Variants in PLAAT3 observed in about 807,000 individuals in gnomAD.
PLAAT3 encodes the protein phospholipase A and acyltransferase 3.
In PLAAT3, 21 loss-of-function variants were observed where a neutral mutation model predicts 16.7. The observed-to-expected ratio is 1.26, with a 90% CI of 0.89 to 1.81. The LOEUF is 1.81. Ranked by LOEUF, PLAAT3 falls within the 40% of genes most tolerant of loss-of-function variation. The pLI, the probability that PLAAT3 is intolerant of heterozygous loss-of-function variation, is 0.00. For synonymous variants in PLAAT3, 76 were observed against 81.7 expected (o/e 0.93, Z 0.38); for missense variants, 219 against 213.7 (o/e 1.02, Z -0.16).
chr11:63,597,986 G>T, intron 3 of PLAAT3, 75 bp downstream of exon 3: 1 of 969,610 alleles, frequency 1.0e-6, no homozygotes, highest in Non-Finnish European at 1.7e-6. Flanking sequence ...GGGGTCACCT[G>T]TTACCCACAG....
At chr11:63,590,816 G>A (rs1203305140) in intron 3 of PLAAT3, among the ~76,000 whole-genome samples, 2 of 152,174 alleles carry the variant, frequency 1.3e-5, no homozygotes, top group Non-Finnish European at 2.9e-5. Context: ...TCTGGAAACA[G>A]ACCCACCAAA....
At chr11:63,597,291 G>A (rs1240074235) in intron 3 of PLAAT3, among the ~76,000 whole-genome samples, 1 of 152,160 alleles carries the variant, frequency 6.6e-6, no homozygotes, top group Non-Finnish European at 1.5e-5. Context: ...TTGGGAGGCT[G>A]AGGCAGGTGG....
intron 2 of PLAAT3, among the ~76,000 whole-genome samples, chr11:63,610,498 G>A (rs1938666390): frequency 6.6e-6 from 1 of 152,202 alleles, no homozygotes; most frequent in African/African-American, 2.4e-5. Flanking sequence ...TATGGTGGAG[G>A]GATGCACGGC....
upstream of PLAAT3, among the ~76,000 whole-genome samples, chr11:63,615,044 ATATATATGTG>A (rs1938802136): frequency 4.9e-5 from 1 of 20,544 alleles, no homozygotes; most frequent in African/African-American, 6.8e-5. Flanking sequence ...ATATATATGT[ATATATATGTG>A]TATATATATG....
At chr11:63,615,915 G>T (rs1245005098), upstream of PLAAT3, among the ~76,000 whole-genome samples, 1 of 152,116 alleles carries the variant, frequency 6.6e-6, no homozygotes, top group Non-Finnish European at 1.5e-5. Flanking sequence ...TGACCCACCT[G>T]CCTCAGCCTC....
At chr11:63,608,065 C>T (rs2134431512) in intron 2 of PLAAT3, among the ~76,000 whole-genome samples, 1 of 152,208 alleles carries the variant, frequency 6.6e-6, no homozygotes. Flanking sequence ...GCCTGTAGTC[C>T]CAGCTACTCG....
At chr11:63,600,575 G>GTTTGT (rs1938398925) in intron 2 of PLAAT3, among the ~76,000 whole-genome samples, 2 of 132,468 alleles carry the variant, frequency 1.5e-5, no homozygotes, top group African/African-American at 6.5e-5. Flanking sequence ...CATCTTCATG[G>GTTTGT]TTTTTTTGTT....
chr11:63,582,786 T>C (rs1441076344), intron 4 of PLAAT3, among the ~76,000 whole-genome samples: 1 of 152,186 alleles, frequency 6.6e-6, no homozygotes, highest in Non-Finnish European at 1.5e-5. Context: ...GATACGTATA[T>C]ATTTTTAACC....
chr11:63,603,703 T>TACAC (rs67821162), intron 2 of PLAAT3, among the ~76,000 whole-genome samples: 2 of 117,020 alleles, frequency 1.7e-5, no homozygotes, highest in African/African-American at 3.7e-5. Context: ...TAAATTATCC[T>TACAC]ACACACACAC....
intron 3 of PLAAT3, among the ~76,000 whole-genome samples, chr11:63,597,438 A>T (rs547165285): frequency 2.6e-5 from 4 of 152,148 alleles, no homozygotes; most frequent in Non-Finnish European, 5.9e-5. Context: ...AGGCAGGAGA[A>T]TGGCGTAAAC....
intron 3 of PLAAT3, among the ~76,000 whole-genome samples, chr11:63,596,953 G>A (rs1325794370): frequency 3.3e-5 from 5 of 151,986 alleles, no homozygotes; most frequent in South Asian, 2.1e-4. Flanking sequence ...AAAATTAGTC[G>A]GGCGTGGTGG....
At chr11:63,593,346 A>G (rs1016572345) in intron 3 of PLAAT3, among the ~76,000 whole-genome samples, 5 of 152,216 alleles carry the variant, frequency 3.3e-5, no homozygotes, top group Non-Finnish European at 7.3e-5. Context: ...TCTTTGCTGA[A>G]GCTTGAATGA....
rs567838184 is a variant in PLAAT3, at chr11:63,605,746, G to A, written c.16-7583C>T. On this transcript the variant is annotated intron_variant, in intron 2 of 4. Transcript: ENST00000415826. ...TTTTTGTATTTTTAGTAGAGACAGC[G>A]TTTCACCATGTTAGCCAGGATGGTC... 1.6e-4 allele frequency among the ~76,000 whole-genome samples: 25 copies of A among 152,036 alleles called. No homozygotes were observed. The South Asian group carries it at 5.0e-3, about 30-fold the overall frequency.
At chr11:63,601,533 A>G (rs1307653552) in intron 2 of PLAAT3, among the ~76,000 whole-genome samples, 1 of 152,130 alleles carries the variant, frequency 6.6e-6, no homozygotes. Context: ...TTGAAAATGA[A>G]GTAAAAGACA....
chr11:63,579,472 C>G (rs1565246367), intron 4 of PLAAT3, among the ~76,000 whole-genome samples: 1 of 151,846 alleles, frequency 6.6e-6, no homozygotes, highest in Non-Finnish European at 1.5e-5. Flanking sequence ...TGGAACCAAC[C>G]CAAATGTCCA....
rs536572798 is a variant in PLAAT3, at chr11:63,584,971, A to G, written c.387+5129T>C. Among the ~76,000 whole-genome samples, 3 of 151,944 alleles carry G rather than the reference A, an allele frequency of 2.0e-5. No homozygotes were observed. The East Asian group carries it at 5.8e-4, about 29-fold the overall frequency. On this transcript the variant is annotated intron_variant, in intron 4 of 4. Coordinates refer to ENST00000415826, the MANE Select transcript of PLAAT3 (RefSeq NM_001128203.2). Reference sequence around the variant, plus strand: ...CTTACAAAGAAAAATACTGGTGGACATTTTCTGATATGTACTAAATCTATC... The same window carrying G: ...CTTACAAAGAAAAATACTGGTGGACGTTTTCTGATATGTACTAAATCTATC...
At chr11:63,593,456 C>A (rs537622622) in intron 3 of PLAAT3, among the ~76,000 whole-genome samples, 1 of 152,332 alleles carries the variant, frequency 6.6e-6, no homozygotes, top group South Asian at 2.1e-4. Context: ...TTGCTGGAGT[C>A]TAGAGACCCA....
intron 2 of PLAAT3, among the ~76,000 whole-genome samples, chr11:63,605,543 C>CTTTGTT (rs113737539): frequency 2.2e-4 from 33 of 151,876 alleles, no homozygotes; most frequent in African/African-American, 6.3e-4. Flanking sequence ...CTTTTTTGTT[C>CTTTGTT]TTTGTTTTTG....
intron 3 of PLAAT3, among the ~76,000 whole-genome samples, chr11:63,591,814 G>A (rs1375922555): frequency 6.6e-6 from 1 of 152,258 alleles, no homozygotes; most frequent in Non-Finnish European, 1.5e-5. Flanking sequence ...ATGAGCTCCT[G>A]GGGCCCACCC....
Sources: gnomAD v4.1 joint callset for allele counts (sites outside exome capture counted in the v4.1 genomes callset) on GRCh38, gnomAD v4.1.1 for gene constraint, MANE v1.5 for transcripts, NCBI Gene and HGNC (gene_info 2026-07-23, HGNC 2026-07-21) for gene names.